Variants in ATOSB observed in about 807,000 individuals in gnomAD.
The protein encoded by ATOSB is atos homolog B.
the ATOSB span, chr9:35,106,398 G>A: frequency 1.9e-6 from 3 of 1,614,156 alleles, no homozygotes; most frequent in South Asian, 1.1e-5. The surrounding 1 kb of genome is among the most constrained non-coding windows in gnomAD (Gnocchi z 4.6). Context: ...AAACGTCCTC[G>A]CAGCAATGAT....
At chr9:35,104,239 G>A in the ATOSB span, 17 of 152,614 alleles carry the variant, frequency 1.1e-4, no homozygotes, top group Admixed American at 7.9e-4. Context: ...TTCAGCAAAT[G>A]CTTGTTCCCC....
chr9:35,107,562 C>A, the ATOSB span: 1 of 1,593,292 alleles, frequency 6.3e-7, no homozygotes, highest in Non-Finnish European at 8.5e-7. Flanking sequence ...CTTGGTGGGG[C>A]AGGGGCCTGG....
At chr9:35,108,703 C>T in the ATOSB span, 1 of 999,558 alleles carries the variant, frequency 1.0e-6, no homozygotes. Flanking sequence ...AGGTGACTGC[C>T]ACCATTCCGT....
the ATOSB span, chr9:35,106,583 AG>A: frequency 6.4e-7 from 1 of 1,570,290 alleles, no homozygotes; most frequent in South Asian, 1.2e-5. This position sits in a 1 kb window ranked among gnomAD's most constrained non-coding sequence, Gnocchi z 4.6. Flanking sequence ...GGGTAGGAAC[AG>A]GGGAGGCACT....
the ATOSB span, among the ~76,000 whole-genome samples, chr9:35,112,064 C>A: frequency 6.6e-6 from 1 of 152,214 alleles, no homozygotes; most frequent in Non-Finnish European, 1.5e-5. Flanking sequence ...CAAACCAAAG[C>A]TTCAGAGCTG....
At chr9:35,107,957 T>C in the ATOSB span, 1 of 1,605,616 alleles carries the variant, frequency 6.2e-7, no homozygotes, top group South Asian at 1.1e-5. Flanking sequence ...CCAGCCCCGG[T>C]CCCTCTGGGC....
At chr9:35,111,750 A>G in the ATOSB span, among the ~76,000 whole-genome samples, 1 of 152,128 alleles carries the variant, frequency 6.6e-6, no homozygotes, top group Non-Finnish European at 1.5e-5. Context: ...CCCCTCCAAG[A>G]GGCACACGCC....
the ATOSB span, among the ~76,000 whole-genome samples, chr9:35,113,609 G>A: frequency 1.3e-5 from 2 of 151,032 alleles, no homozygotes; most frequent in Admixed American, 6.7e-5. Context: ...GGGTGACAGA[G>A]TGAGTGAGAC....
At chr9:35,105,222 C>G in the ATOSB span, 2 of 1,608,124 alleles carry the variant, frequency 1.2e-6, no homozygotes, top group Admixed American at 3.4e-5. This position sits in a 1 kb window ranked among gnomAD's most constrained non-coding sequence, Gnocchi z 5.5. Flanking sequence ...TGCTGGCAAT[C>G]AGGGCAAAGG....
At chr9:35,108,737 C>G in the ATOSB span, 2 of 978,844 alleles carry the variant, frequency 2.0e-6, no homozygotes, top group Admixed American at 1.2e-4. Context: ...TCAGCAGGAC[C>G]CTGAGGAGAG....
the ATOSB span, chr9:35,106,597 G>A: frequency 6.4e-6 from 10 of 1,566,000 alleles, no homozygotes; most frequent in Non-Finnish European, 8.7e-6. This position sits in a 1 kb window ranked among gnomAD's most constrained non-coding sequence, Gnocchi z 4.6. Context: ...GAGGCACTGG[G>A]GGGGCTCAGC....
chr9:35,113,916 G>C, the ATOSB span, among the ~76,000 whole-genome samples: 30 of 152,316 alleles, frequency 2.0e-4, no homozygotes, highest in East Asian at 3.1e-3. Context: ...TGAGTGAACA[G>C]CAATCCGGCG....
the ATOSB span, chr9:35,107,550 C>T: frequency 1.9e-6 from 3 of 1,596,936 alleles, no homozygotes; most frequent in Non-Finnish European, 2.6e-6. Context: ...AAGCAGCCTT[C>T]GCTTGGTGGG....
the ATOSB span, chr9:35,110,268 C>A: frequency 6.6e-6 from 1 of 152,280 alleles, no homozygotes; most frequent in Non-Finnish European, 1.5e-5. Flanking sequence ...TCAGAAGGTA[C>A]AACCTGCACT....
At chr9:35,108,182 G>A in the ATOSB span, 4,881 of 1,595,732 alleles carry the variant, frequency 3.1e-3, 20 homozygotes, top group African/African-American at 0.013. Context: ...CCATGAGCAG[G>A]CCACCCTGGA....
chr9:35,113,629 AAAATAAATAAATAAATAAATAAAT>A, the ATOSB span, among the ~76,000 whole-genome samples: 18 of 142,538 alleles, frequency 1.3e-4, no homozygotes, highest in African/African-American at 3.9e-4. Context: ...CTCCGTCTCA[AAAATAAATAAATAAATAAATAAAT>A]AAATAAATAA....
At chr9:35,105,531 A>G in the ATOSB span, 1 of 1,084,472 alleles carries the variant, frequency 9.2e-7, no homozygotes, top group East Asian at 2.6e-5. This position sits in a 1 kb window ranked among gnomAD's most constrained non-coding sequence, Gnocchi z 5.5. Context: ...ATCTCTAAAA[A>G]TAAATGAATA....
the ATOSB span, chr9:35,104,346 C>T: frequency 1.3e-5 from 2 of 155,648 alleles, no homozygotes; most frequent in Non-Finnish European, 2.9e-5. Context: ...GAGGGGTGCC[C>T]CTCACCCCAG....
the ATOSB span, chr9:35,105,370 G>A: frequency 5.6e-6 from 9 of 1,609,166 alleles, no homozygotes; most frequent in Non-Finnish European, 4.2e-6. The surrounding 1 kb of genome is among the most constrained non-coding windows in gnomAD (Gnocchi z 5.5). Flanking sequence ...CGGGAGCTCC[G>A]GAACCTGGAG....
Sources: gnomAD v4.1 joint callset for allele counts (sites outside exome capture counted in the v4.1 genomes callset) on GRCh38, gnomAD v4.1.1 for gene constraint, Gnocchi (gnomAD v3.1) non-coding constraint, MANE v1.5 for transcripts, NCBI Gene and HGNC (gene_info 2026-07-23, HGNC 2026-07-21) for gene names.